HERPUD2: variants seen among roughly 807,000 people sequenced by gnomAD.
HERPUD2 encodes the protein HERPUD family member 2, also known as homocysteine-responsive endoplasmic reticulum-resident ubiquitin-like domain member 2 protein.
Under a neutral mutation model 49.9 loss-of-function variants are expected in HERPUD2, and 13 were observed. The ratio of observed to expected loss-of-function variants is 0.26; its 90% CI spans 0.17 to 0.41. HERPUD2 has a LOEUF of 0.41. HERPUD2 is among the 10% of genes least tolerant of loss of function. The probability of loss-of-function intolerance (pLI) is 1.00; values close to 1 mark genes in which losing one functional copy is unlikely to be tolerated. For synonymous variants in HERPUD2, 172 were observed against 171.4 expected (o/e 1.00, Z -0.03); for missense variants, 449 against 492.2 (o/e 0.91, Z 0.83).
intron 2 of HERPUD2, among the ~76,000 whole-genome samples, chr7:35,685,325 GTTT>G (rs60181158): frequency 8.0e-6 from 1 of 125,154 alleles, no homozygotes; most frequent in African/African-American, 3.1e-5. Context: ...AATTTTTTTT[GTTT>G]TTTTTTTTTT....
chr7:35,663,754 A>C (rs1285978077), intron 5 of HERPUD2, among the ~76,000 whole-genome samples: 1 of 152,004 alleles, frequency 6.6e-6, no homozygotes, highest in Non-Finnish European at 1.5e-5. Context: ...TTTGCTTGGT[A>C]GATCTTCCTC....
chr7:35,649,247 T>C (rs1785114994), intron 5 of HERPUD2, among the ~76,000 whole-genome samples: 1 of 147,508 alleles, frequency 6.8e-6, no homozygotes, highest in Non-Finnish European at 1.5e-5. Context: ...CGAGACTCCA[T>C]CTCTGAAAAA....
In HERPUD2 at chr7:35,673,394, A is replaced by C. The variant is rs146809212; in HGVS notation, c.148-116T>G. The C allele has an allele frequency of 1.9e-4, 130 of 701,768 alleles. No individual in the cohort carries two copies. The African/African-American group carries it at 2.3e-3, about 12-fold the overall frequency. 43.5% of individuals were successfully genotyped at this position (701,768 alleles called of 1,614,324 possible). Reference sequence around the variant, plus strand: ...ACTCCCTTTAGGCACAAGTAAGCAGAAAACTGACACAATTTAAGAATTTTT... The same window carrying C: ...ACTCCCTTTAGGCACAAGTAAGCAGCAAACTGACACAATTTAAGAATTTTT... On this transcript the variant is annotated intron_variant, in intron 2 of 8. Coordinates refer to ENST00000311350, the MANE Select transcript of HERPUD2 (RefSeq NM_022373.5).
At chr7:35,637,558 T>G (rs1237273539) in intron 6 of HERPUD2, among the ~76,000 whole-genome samples, 1 of 152,070 alleles carries the variant, frequency 6.6e-6, no homozygotes, top group Non-Finnish European at 1.5e-5. Context: ...CTTCCAACAA[T>G]AAAGCAGAGA....
At chr7:35,692,179 A>C (rs1443713135) in intron 2 of HERPUD2, among the ~76,000 whole-genome samples, 1 of 152,252 alleles carries the variant, frequency 6.6e-6, no homozygotes, top group African/African-American at 2.4e-5. Context: ...ATCCTCAGAC[A>C]GCTAACTAAT....
chr7:35,649,207 C>T (rs1254672071), intron 5 of HERPUD2, among the ~76,000 whole-genome samples: 6 of 150,668 alleles, frequency 4.0e-5, no homozygotes, highest in Non-Finnish European at 7.4e-5. Flanking sequence ...GCTGAGATTG[C>T]GCCACTGCAC....
chr7:35,650,052 T>G (rs1785131453), intron 5 of HERPUD2, among the ~76,000 whole-genome samples: 1 of 152,126 alleles, frequency 6.6e-6, no homozygotes, highest in South Asian at 2.1e-4. Flanking sequence ...CTACAAGAAA[T>G]TTTTACTTTT....
At chr7:35,668,465 G>A (rs1364671879) in intron 4 of HERPUD2, 3 of 153,110 alleles carry the variant, frequency 2.0e-5, no homozygotes, top group Admixed American at 6.5e-5. Flanking sequence ...ATAAATTATA[G>A]TTCTTCCACT....
intron 2 of HERPUD2, among the ~76,000 whole-genome samples, chr7:35,675,266 T>C (rs1785737127): frequency 1.3e-5 from 2 of 152,356 alleles, no homozygotes; most frequent in South Asian, 4.1e-4. Flanking sequence ...AGAAGCATTC[T>C]GTATTGCGTG....
At chr7:35,692,308 AC>A (rs1583576404) in intron 2 of HERPUD2, among the ~76,000 whole-genome samples, 1 of 86,306 alleles carries the variant, frequency 1.2e-5, no homozygotes, top group East Asian at 4.3e-4. Context: ...CGTCTCAGGT[AC>A]TTTTTTTTAA....
intron 5 of HERPUD2, among the ~76,000 whole-genome samples, chr7:35,651,968 C>T (rs558112811): frequency 3.3e-5 from 5 of 152,098 alleles, no homozygotes; most frequent in Non-Finnish European, 7.4e-5. Context: ...TAGAAGGCAG[C>T]AAAGACTACC....
At chr7:35,634,659 T>C (rs375420141) in intron 7 of HERPUD2, among the ~76,000 whole-genome samples, 4 of 152,158 alleles carry the variant, frequency 2.6e-5, no homozygotes, top group South Asian at 4.1e-4. Flanking sequence ...TCTATGTTAG[T>C]TATTAAAACA....
At chr7:35,643,850 A>T (rs1200659701) in intron 5 of HERPUD2, among the ~76,000 whole-genome samples, 1 of 151,614 alleles carries the variant, frequency 6.6e-6, no homozygotes, top group Non-Finnish European at 1.5e-5. Context: ...AAAAAAACTA[A>T]AGAAGTTTCA....
intron 5 of HERPUD2, among the ~76,000 whole-genome samples, chr7:35,639,349 A>C (rs1210967898): frequency 6.6e-6 from 1 of 152,120 alleles, no homozygotes; most frequent in Non-Finnish European, 1.5e-5. Flanking sequence ...CTATTAATTC[A>C]GTAAAACTTG....
chr7:35,649,904 C>A (rs1785129034), intron 5 of HERPUD2, among the ~76,000 whole-genome samples: 1 of 152,086 alleles, frequency 6.6e-6, no homozygotes, highest in Non-Finnish European at 1.5e-5. Context: ...GATGTCCCAC[C>A]CTCCCTTCCC....
intron 2 of HERPUD2, among the ~76,000 whole-genome samples, chr7:35,686,303 G>A (rs577668533): frequency 0.045 from 3 of 66 alleles, no homozygotes; most frequent in Middle Eastern, 0.5. Context: ...ATTCTCCTGC[G>A]TCACGTCCCA....
At chr7:35,634,453 A>T (rs767894059) in intron 7 of HERPUD2, 24 bp from the exon 8 acceptor site, 1 of 1,415,330 alleles carries the variant, frequency 7.1e-7, no homozygotes, top group Non-Finnish European at 1.0e-6. Context: ...TAAAGAGAAA[A>T]TAAAATAAGT....
At chr7:35,690,979 G>A (rs1786170578) in intron 2 of HERPUD2, among the ~76,000 whole-genome samples, 1 of 152,110 alleles carries the variant, frequency 6.6e-6, no homozygotes, top group Non-Finnish European at 1.5e-5. Flanking sequence ...CCCTTCCTGT[G>A]TTCCTATGCA....
chr7:35,693,840 G>A (rs1272682434), intron 2 of HERPUD2, among the ~76,000 whole-genome samples: 1 of 152,214 alleles, frequency 6.6e-6, no homozygotes, highest in Non-Finnish European at 1.5e-5. Context: ...GTTTCACCAT[G>A]TTGGTAAGGC....
Sources: gnomAD v4.1 joint callset for allele counts (sites outside exome capture counted in the v4.1 genomes callset) on GRCh38, gnomAD v4.1.1 for gene constraint, MANE v1.5 for transcripts, NCBI Gene and HGNC (gene_info 2026-07-23, HGNC 2026-07-21) for gene names.